Variants in SBF2 observed in about 807,000 individuals in gnomAD.
The protein encoded by SBF2 is myotubularin-related protein 13.
In SBF2, 112 loss-of-function variants were observed where a neutral mutation model predicts 225.2. The observed-to-expected ratio is 0.50, with a 90% CI of 0.43 to 0.58. The LOEUF (loss-of-function observed/expected upper bound fraction) is 0.58, where lower values mean the gene tolerates loss of function less well. Ranked by LOEUF, SBF2 falls within the 20% of genes least tolerant of loss-of-function variation. SBF2 has a pLI of 0.00. For synonymous variants in SBF2, 763 were observed against 773.3 expected (o/e 0.99, Z 0.22); for missense variants, 1,996 against 2,206.2 (o/e 0.90, Z 1.91).
At chr11:9,821,653 C>A (rs1025954941) in intron 28 of SBF2, among the ~76,000 whole-genome samples, 4 of 152,172 alleles carry the variant, frequency 2.6e-5, no homozygotes, top group African/African-American at 4.8e-5. Flanking sequence ...TCCTTAGTGG[C>A]TTGGGAAATC....
At chr11:10,027,817 T>C (rs1949105295) in intron 6 of SBF2, among the ~76,000 whole-genome samples, 1 of 152,184 alleles carries the variant, frequency 6.6e-6, no homozygotes, top group South Asian at 2.1e-4. Context: ...AGTCCTCAGA[T>C]AGATGGTGGG....
At chr11:9,845,459 G>T in intron 24 of SBF2, 106 bp downstream of exon 24, 2 of 1,020,634 alleles carry the variant, frequency 2.0e-6, no homozygotes, top group Non-Finnish European at 3.1e-6. Context: ...AAACAGAACA[G>T]TGAATGAAAA....
chr11:9,986,950 C>T (rs1316439600), intron 13 of SBF2, among the ~76,000 whole-genome samples: 1 of 152,032 alleles, frequency 6.6e-6, no homozygotes, highest in Admixed American at 6.6e-5. Flanking sequence ...CCCTAATACC[C>T]AAACCAGGAA....
chr11:9,959,000 C>T (rs1866382388), intron 16 of SBF2: 6 of 938,842 alleles, frequency 6.4e-6, no homozygotes, highest in South Asian at 3.1e-5. Context: ...ATGGCCTCCT[C>T]AATGTATTTC....
intron 1 of SBF2, among the ~76,000 whole-genome samples, chr11:10,288,406 T>C (rs1414680185): frequency 2.0e-5 from 3 of 152,156 alleles, no homozygotes; most frequent in East Asian, 3.9e-4. Context: ...CTGATGAGTG[T>C]TCAGCTCCTA....
In SBF2 at chr11:10,154,862, A is replaced by G. The variant is rs147399150; in HGVS notation, c.141+39040T>C. Among the ~76,000 whole-genome samples, 295 of 152,286 alleles carry G rather than the reference A, an allele frequency of 1.9e-3. 1 individual carries two copies. Among genetic ancestry groups the G allele is most frequent in the African/African-American group, 6.9e-3 (288 of 41,578 alleles). ...TTATTCAAGGCTAGGATTCAGTCTC[A>G]GTGACAGCTGATCTATTTCTAGTTC... is the stretch of plus-strand genomic sequence containing the variant. On this transcript the variant is annotated intron_variant, in intron 2 of 39. Coordinates refer to ENST00000256190, the MANE Select transcript of SBF2 (RefSeq NM_030962.4).
intron 5 of SBF2, 143 bp from the exon 6 acceptor site, chr11:10,028,700 C>A (rs1355399234): frequency 4.5e-6 from 3 of 668,428 alleles, no homozygotes; most frequent in Non-Finnish European, 8.0e-6. Context: ...AATGTATATC[C>A]CAAAACATTT....
intron 17 of SBF2, among the ~76,000 whole-genome samples, chr11:9,872,428 T>A (rs542454361): frequency 1.6e-4 from 24 of 152,198 alleles, no homozygotes; most frequent in Admixed American, 7.2e-4. Flanking sequence ...AACCTGCACA[T>A]CCTGCATGTA....
chr11:9,824,422 T>C (rs1056445944), intron 28 of SBF2, among the ~76,000 whole-genome samples: 8 of 151,806 alleles, frequency 5.3e-5, no homozygotes, highest in African/African-American at 1.9e-4. Context: ...CTGGGCACGG[T>C]GGCACGTGCC....
chr11:10,133,471 A>G (rs7108546), intron 2 of SBF2, among the ~76,000 whole-genome samples: 18,428 of 143,374 alleles, frequency 0.13, 2,394 homozygotes, highest in Middle Eastern at 0.17. Flanking sequence ...GCCAAGGCCC[A>G]GCGAGAAATC....
intron 2 of SBF2, among the ~76,000 whole-genome samples, chr11:10,193,250 A>AT (rs199503584): frequency 0.013 from 1,884 of 150,718 alleles, 16 homozygotes; most frequent in Non-Finnish European, 0.014. Context: ...GGAAAAAAAA[A>AT]ATATATATAT....
chr11:9,938,628 A>G (rs762531308), intron 16 of SBF2, among the ~76,000 whole-genome samples: 2 of 152,230 alleles, frequency 1.3e-5, no homozygotes, highest in Non-Finnish European at 2.9e-5. Context: ...GACAAATATT[A>G]TAGTTCAATT....
chr11:10,276,185 A>T (rs1034626706), intron 1 of SBF2, among the ~76,000 whole-genome samples: 8 of 152,202 alleles, frequency 5.3e-5, no homozygotes, highest in Non-Finnish European at 1.2e-4. Context: ...AACAAAAAAA[A>T]TTTTCAAAAG....
chr11:9,983,278 G>A (rs973046142), intron 13 of SBF2, among the ~76,000 whole-genome samples: 6 of 152,152 alleles, frequency 3.9e-5, no homozygotes, highest in African/African-American at 1.4e-4. Context: ...TGTTTGCGTG[G>A]GAGCTGGGTG....
chr11:9,967,805 C>T (rs1359007900), intron 14 of SBF2, among the ~76,000 whole-genome samples: 2 of 151,996 alleles, frequency 1.3e-5, no homozygotes, highest in Non-Finnish European at 1.5e-5. Flanking sequence ...ATCCCAGCTA[C>T]TCAGGAGGTT....
intron 1 of SBF2, among the ~76,000 whole-genome samples, chr11:10,196,866 A>ATATATATATATATATATATTTTTTTTT: frequency 2.0e-4 from 20 of 99,300 alleles, no homozygotes; most frequent in Admixed American, 3.1e-4. Context: ...ATATATATAT[A>ATATATATATATATATATATTTTTTTTT]TTTTTTTTTT....
At chr11:9,826,041 T>C (rs1855042662) in intron 28 of SBF2, among the ~76,000 whole-genome samples, 1 of 152,216 alleles carries the variant, frequency 6.6e-6, no homozygotes, top group Admixed American at 6.5e-5. Flanking sequence ...GACAAAAGGC[T>C]TGAAAACAGC....
intron 6 of SBF2, among the ~76,000 whole-genome samples, chr11:10,027,882 C>T (rs1949107209): frequency 6.6e-6 from 1 of 152,132 alleles, no homozygotes; most frequent in African/African-American, 2.4e-5. Context: ...AAAAGCAGTT[C>T]ATCTATGGAA....
intron 1 of SBF2, among the ~76,000 whole-genome samples, chr11:10,217,938 C>T (rs1958190086): frequency 1.3e-5 from 2 of 151,932 alleles, no homozygotes; most frequent in African/African-American, 4.8e-5. Context: ...CTCGCTCTGT[C>T]GCCCAGGCTG....
Sources: allele counts gnomAD v4.1 joint callset (sites outside exome capture counted in the v4.1 genomes callset), GRCh38; gene constraint gnomAD v4.1.1; transcripts MANE v1.5; gene names NCBI Gene and HGNC (gene_info 2026-07-23, HGNC 2026-07-21).